The following SLC25A48 variants were observed in gnomAD, a reference collection of about 807,000 sequenced individuals.
The protein encoded by SLC25A48 is CTC-321K16.1.
SLC25A48 carries 29 observed loss-of-function variants against 32.2 expected under a neutral mutation model. That is an observed-to-expected ratio of 0.90 (90% confidence interval 0.67 to 1.23). SLC25A48 has a LOEUF of 1.23. Among genes scored for constraint, SLC25A48 ranks in the 50% most tolerant of loss-of-function variants. The probability of loss-of-function intolerance (pLI) is 0.00; values close to 1 mark genes in which losing one functional copy is unlikely to be tolerated. For missense variants in SLC25A48, 399 were observed against 422.7 expected (o/e 0.94, Z 0.49); for synonymous variants, 164 against 172.3 (o/e 0.95, Z 0.38).
intron 3 of SLC25A48, among the ~76,000 whole-genome samples, chr5:135,644,606 A>T (rs768026348): frequency 2.0e-5 from 3 of 152,144 alleles, no homozygotes; most frequent in Non-Finnish European, 4.4e-5. Context: ...CAGATAAGAA[A>T]ACTGAAGCTC....
At chr5:135,735,160 C>T (rs943533945) in intron 3 of SLC25A48, among the ~76,000 whole-genome samples, 3 of 152,234 alleles carry the variant, frequency 2.0e-5, no homozygotes, top group African/African-American at 7.2e-5. Context: ...GGGAGGGGGT[C>T]CTGGAGCAAT....
chr5:135,736,671 G>C (rs773463955), intron 3 of SLC25A48, among the ~76,000 whole-genome samples: 3 of 152,258 alleles, frequency 2.0e-5, no homozygotes, highest in African/African-American at 7.2e-5. Flanking sequence ...AGGCATCCCC[G>C]TGTGATCAGA....
intron 3 of SLC25A48, among the ~76,000 whole-genome samples, chr5:135,719,606 A>T (rs1362441974): frequency 2.6e-5 from 4 of 152,176 alleles, no homozygotes; most frequent in Non-Finnish European, 5.9e-5. Flanking sequence ...AGGGGATCTG[A>T]GCCCAGCCCT....
chr5:135,628,896 A>T (rs956215137), intron 1 of SLC25A48, among the ~76,000 whole-genome samples: 3 of 152,170 alleles, frequency 2.0e-5, no homozygotes, highest in African/African-American at 7.2e-5. Flanking sequence ...GTGGGATTTC[A>T]TCTTGCATGT....
Position 135,780,160 on chromosome 5 carries a change from CTTTTT to C in SLC25A48, c.-520-32342_-520-32338del, listed in dbSNP as rs34277772. Among the ~76,000 whole-genome samples, 12 of 38,838 alleles carry C rather than the reference CTTTTT, an allele frequency of 3.1e-4. 1 individual carries two copies. The highest frequency in any genetic ancestry group is 5.4e-4 in the African/African-American group (9 of 16,668). The allele number at this position is 38,838 out of a possible 152,430, so 25.5% of individuals were successfully genotyped here. Reference sequence around the variant, plus strand: ...CGTGCCTGTGTTATTGTTTCTTCGTCTTTTTTTTTTTTTTTTTTTTTTTTTGAGAC... The same window carrying C: ...CGTGCCTGTGTTATTGTTTCTTCGTCTTTTTTTTTTTTTTTTTTTTGAGAC... On this transcript the variant is annotated intron_variant, in intron 3 of 10. Transcript: ENST00000646290.
At chr5:135,882,935 C>T in intron 7 of SLC25A48, 1 of 475,170 alleles carries the variant, frequency 2.1e-6, no homozygotes, top group Non-Finnish European at 2.7e-6. Flanking sequence ...CTGAGAGCCT[C>T]TGCCAGTCTG....
rs1307204214 is a variant in SLC25A48 at position 135,874,071 on chromosome 5, C to T, written c.730C>T (p.Leu244Phe). ...ATPMDVVKSR[L>F]QADGVYLNKY... The stretch of plus-strand genomic sequence containing the variant: ...TCCTATGGATGTCGTGAAAAGTCGA[C>T]TCCAAGCTGATGGGGTTTATTTAAA... The change falls in exon 6 of 8, where the codon CTC becomes TTC. Residue 244 changes from leucine (L) to phenylalanine (F), a missense_variant. Physicochemically the swap from Leu to Phe is conservative, Grantham distance 22. Coordinates refer to ENST00000681962, the MANE Select transcript of SLC25A48 (RefSeq NM_001349336.2). 3.3e-6 allele frequency: 5 copies of T among 1,530,136 alleles called. No homozygotes were observed. The South Asian group carries it at 6.0e-5, about 18-fold the overall frequency. 94.8% of individuals were successfully genotyped at this position (1,530,136 alleles called of 1,614,324 possible).
At chr5:135,830,343 T>C (rs1333022980), upstream of SLC25A48, among the ~76,000 whole-genome samples, 1 of 152,216 alleles carries the variant, frequency 6.6e-6, no homozygotes, top group East Asian at 1.9e-4. Context: ...ATTTCAGACT[T>C]CTGCAGACAC....
chr5:135,746,623 G>A (rs1338365255), intron 3 of SLC25A48, among the ~76,000 whole-genome samples: 1 of 152,160 alleles, frequency 6.6e-6, no homozygotes, highest in Non-Finnish European at 1.5e-5. Context: ...CCTTTTCAGG[G>A]ATTTCCTATC....
At chr5:135,766,736 T>A (rs1756242107) in intron 3 of SLC25A48, among the ~76,000 whole-genome samples, 1 of 150,724 alleles carries the variant, frequency 6.6e-6, no homozygotes, top group African/African-American at 2.4e-5. Flanking sequence ...ACTCCTCATA[T>A]CCCCAGGAGT....
At chr5:135,797,783 C>G (rs978196536) in intron 3 of SLC25A48, among the ~76,000 whole-genome samples, 2 of 151,762 alleles carry the variant, frequency 1.3e-5, no homozygotes, top group Non-Finnish European at 1.5e-5. Context: ...CTCAATATCT[C>G]AGGGGATGTA....
At chr5:135,633,078 T>C (rs1752614022) in intron 2 of SLC25A48, among the ~76,000 whole-genome samples, 3 of 152,096 alleles carry the variant, frequency 2.0e-5, no homozygotes, top group African/African-American at 2.4e-5. Flanking sequence ...ATCTCTGCAG[T>C]TTAATAGTGA....
chr5:135,883,770 ACT>A (rs1249364149), intron 7 of SLC25A48, among the ~76,000 whole-genome samples: 1 of 151,970 alleles, frequency 6.6e-6, no homozygotes, highest in Non-Finnish European at 1.5e-5. Flanking sequence ...TGGGGTGGGC[ACT>A]CTCTGGGCCT....
At chr5:135,849,381 A>C (rs1451555143) in intron 2 of SLC25A48, among the ~76,000 whole-genome samples, 1 of 152,138 alleles carries the variant, frequency 6.6e-6, no homozygotes, top group East Asian at 1.9e-4. Context: ...TTGATGGAGA[A>C]TTATAGGCTG....
intron 3 of SLC25A48, among the ~76,000 whole-genome samples, chr5:135,740,337 G>A (rs1324995728): frequency 6.6e-6 from 1 of 152,078 alleles, no homozygotes; most frequent in Non-Finnish European, 1.5e-5. Context: ...AAGATTACAG[G>A]TACATACCAC....
chr5:135,588,018 G>A (rs1751412123), intron 1 of SLC25A48, among the ~76,000 whole-genome samples: 1 of 152,208 alleles, frequency 6.6e-6, no homozygotes, highest in Admixed American at 6.5e-5. Context: ...GTCCTGCTGT[G>A]TGTTGGCGGA....
intron 3 of SLC25A48, among the ~76,000 whole-genome samples, chr5:135,737,959 C>T (rs897724447): frequency 6.6e-6 from 1 of 152,112 alleles, no homozygotes; most frequent in Non-Finnish European, 1.5e-5. Context: ...CTCAGCAGAG[C>T]GACATCATTG....
At chr5:135,671,045 G>A (rs890052950) in intron 3 of SLC25A48, among the ~76,000 whole-genome samples, 2 of 152,170 alleles carry the variant, frequency 1.3e-5, no homozygotes, top group Non-Finnish European at 1.5e-5. Context: ...TGGCACGGAC[G>A]AATGGCTTGG....
intron 3 of SLC25A48, among the ~76,000 whole-genome samples, chr5:135,703,305 C>G (rs1204194884): frequency 6.6e-6 from 1 of 152,208 alleles, no homozygotes. Context: ...CAGCATGCCT[C>G]CATCTCTGAG....
Sources: allele counts gnomAD v4.1 joint callset (sites outside exome capture counted in the v4.1 genomes callset), GRCh38; gene constraint gnomAD v4.1.1; transcripts MANE v1.5; gene names NCBI Gene and HGNC (gene_info 2026-07-23, HGNC 2026-07-21).